Variants in LEMD3 observed in about 807,000 individuals in gnomAD.
LEMD3 encodes the protein inner nuclear membrane protein Man1.
A neutral mutation model predicts 95.2 loss-of-function variants in LEMD3; 33 were observed. The observed-to-expected ratio is 0.35, with a 90% confidence interval of 0.26 to 0.46. The LOEUF is 0.46. Among genes scored for constraint, LEMD3 ranks in the 20% least tolerant of loss-of-function variants. The pLI is 1.00. For missense variants in LEMD3, 1,210 were observed against 1,192.8 expected, an observed-to-expected ratio of 1.01 and a Z score of -0.21; for synonymous variants, 525 against 474.6, an observed-to-expected ratio of 1.11 and a Z score of -1.38.
At chr12:65,188,529 T>C (rs1176852833) in intron 1 of LEMD3, among the ~76,000 whole-genome samples, 2 of 152,186 alleles carry the variant, frequency 1.3e-5, no homozygotes, top group Admixed American at 6.5e-5. Flanking sequence ...TGATTGGGTA[T>C]GCTTAAGTTT....
At chr12:65,188,318 C>G (rs1378582134) in intron 1 of LEMD3, among the ~76,000 whole-genome samples, 1 of 152,028 alleles carries the variant, frequency 6.6e-6, no homozygotes, top group Non-Finnish European at 1.5e-5. Context: ...GAGAGATAGC[C>G]TAGTAAACTT....
intron 1 of LEMD3, among the ~76,000 whole-genome samples, chr12:65,204,162 CT>C (rs762331244): frequency 2.1e-4 from 31 of 146,310 alleles, no homozygotes; most frequent in East Asian, 4.0e-4. Flanking sequence ...AAGAAACTCA[CT>C]TTTTTTTTTC....
At chr12:65,204,379 G>T (rs1869699663) in intron 1 of LEMD3, among the ~76,000 whole-genome samples, 1 of 151,980 alleles carries the variant, frequency 6.6e-6, no homozygotes, top group Admixed American at 6.6e-5. Flanking sequence ...CCCTCCATGT[G>T]CCTGTGTGTT....
rs1368147972 is a variant in LEMD3 at position 65,247,267 on chromosome 12, T to G, written c.*942T>G. On this transcript the variant is annotated 3_prime_UTR_variant, in exon 13 of 13. Coordinates refer to ENST00000308330, the MANE Select transcript of LEMD3 (RefSeq NM_014319.5). ...AATTGGCAGATATTGGAAAAATATT[T>G]TGTGAAAAGCTGTATTTATTATAAA... 2 of 152,568 alleles carry G rather than the reference T, an allele frequency of 1.3e-5. No individual in the cohort carries two copies. Among genetic ancestry groups the G allele is most frequent in the Non-Finnish European group, 2.9e-5 (2 of 67,988 alleles). 9.5% of individuals were successfully genotyped at this position (152,568 alleles called of 1,614,324 possible). A position where few individuals can be genotyped will look rare whatever the true frequency, so the allele number is the denominator to read the frequency against.
rs374001281 is a variant in LEMD3 at position 65,209,145 on chromosome 12, A to G, written c.1523-1781A>G. Among the ~76,000 whole-genome samples the G allele has an allele frequency of 8.5e-5, 13 of 152,286 alleles. No individual in the cohort carries two copies. In the South Asian group the frequency reaches 1.7e-3, roughly 19 times the overall value. ...GTACTATGCTTGGTTCTGGGCATGCACATGTGTATAACACACGCTCCCTGT... is the reference window on the plus strand; with the variant it reads ...GTACTATGCTTGGTTCTGGGCATGCGCATGTGTATAACACACGCTCCCTGT... On this transcript the variant is annotated intron_variant, in intron 1 of 12. Transcript: ENST00000308330.
At chr12:65,232,439 G>A (rs1167243958) in intron 4 of LEMD3, among the ~76,000 whole-genome samples, 2 of 152,138 alleles carry the variant, frequency 1.3e-5, no homozygotes, top group Non-Finnish European at 2.9e-5. Context: ...AGCACAGTGA[G>A]TATAGTAAAT....
Position 65,221,557 on chromosome 12 carries a change from T to C in LEMD3, c.1695+2938T>C, listed in dbSNP as rs369113175. On this transcript the variant is annotated intron_variant, in intron 4 of 12. Transcript: ENST00000308330. ...TTTTTTTGGTGAAATCTTTAGGGCT[T>C]TCTATGTATAAGATTATGTCACTTG... is the stretch of plus-strand genomic sequence containing the variant. Among the ~76,000 whole-genome samples the C allele has an allele frequency of 8.5e-5, 13 of 152,052 alleles. No homozygotes were observed. In the East Asian group the frequency reaches 2.3e-3, roughly 27 times the overall value.
At position 65,239,913 on chromosome 12, in the gene LEMD3, T is replaced by C. The variant is rs765738463; in HGVS notation, c.1922-16T>C. The C allele has an allele frequency of 6.6e-7, 1 of 1,526,664 alleles. No homozygotes were observed. Among genetic ancestry groups the C allele is most frequent in the African/African-American group, 1.4e-5 (1 of 73,106 alleles). The allele number at this position is 1,526,664 out of a possible 1,614,324, so 94.6% of individuals were successfully genotyped here. On this transcript the variant is annotated splice_polypyrimidine_tract_variant and intron_variant, in intron 6 of 12. Coordinates refer to ENST00000308330, the MANE Select transcript of LEMD3 (RefSeq NM_014319.5). ...TGACCACAATTTTTAAAATACAAAG[T>C]ATATTAATATTACAGGTGTAGTGAT...
chr12:65,187,938 A>G (rs1869117623), intron 1 of LEMD3, among the ~76,000 whole-genome samples: 1 of 152,122 alleles, frequency 6.6e-6, no homozygotes, highest in African/African-American at 2.4e-5. Flanking sequence ...GTATGTAGGA[A>G]AATAAGTTTG....
intron 1 of LEMD3, among the ~76,000 whole-genome samples, chr12:65,174,007 C>T (rs1485222758): frequency 6.6e-6 from 1 of 152,048 alleles, no homozygotes; most frequent in Non-Finnish European, 1.5e-5. Flanking sequence ...GATGCTTTAA[C>T]TGTAGAGTTC....
intron 1 of LEMD3, among the ~76,000 whole-genome samples, chr12:65,203,820 G>A (rs956382022): frequency 6.6e-6 from 1 of 151,834 alleles, no homozygotes; most frequent in African/African-American, 2.4e-5. Flanking sequence ...TTGTTGTTAG[G>A]TACATAAACA....
At chr12:65,200,282 G>A (rs1869558993) in intron 1 of LEMD3, among the ~76,000 whole-genome samples, 1 of 152,048 alleles carries the variant, frequency 6.6e-6, no homozygotes, top group Non-Finnish European at 1.5e-5. Flanking sequence ...AACCTTTAGT[G>A]GGTATTTACA....
intron 4 of LEMD3, among the ~76,000 whole-genome samples, chr12:65,219,681 A>G (rs776221790): frequency 6.6e-6 from 1 of 152,064 alleles, no homozygotes; most frequent in Non-Finnish European, 1.5e-5. Context: ...TATGACTGAA[A>G]CTCTATAGCC....
chr12:65,233,404 C>T (rs1190601150), intron 4 of LEMD3, among the ~76,000 whole-genome samples: 2 of 152,182 alleles, frequency 1.3e-5, no homozygotes, highest in African/African-American at 4.8e-5. Flanking sequence ...TATAGCTAAT[C>T]TGTAATGGAG....
intron 1 of LEMD3, among the ~76,000 whole-genome samples, chr12:65,181,010 A>ACACACACACACACAC (rs1565780094): frequency 6.6e-6 from 1 of 151,980 alleles, no homozygotes; most frequent in African/African-American, 2.4e-5. Flanking sequence ...ACACACACAC[A>ACACACACACACACAC]ATTTTCTGAC....
chr12:65,232,645 G>T lies in LEMD3; in HGVS notation c.1696-5857G>T, dbSNP rs141584547. Among the ~76,000 whole-genome samples the T allele has an allele frequency of 8.5e-4, 129 of 152,050 alleles. 1 individual carries two copies. In the East Asian group the frequency reaches 0.018, roughly 21 times the overall value. ...TCTTCTTGAGCTTTTTAAAAAACTC[G>T]TTGTTTTTGATATTGAAAGCTTATT... On this transcript the variant is annotated intron_variant, in intron 4 of 12. Transcript: ENST00000308330.
chr12:65,226,151 C>A (rs1000421027), intron 4 of LEMD3, among the ~76,000 whole-genome samples: 6 of 152,122 alleles, frequency 3.9e-5, no homozygotes, highest in Admixed American at 2.6e-4. Flanking sequence ...TGGTGTCTTT[C>A]AACTATTAGA....
At position 65,243,454 on chromosome 12, in the gene LEMD3, T is replaced by C. The variant is rs1457371205; in HGVS notation, c.2372T>C (p.Met791Thr). 6.3e-7 allele frequency: 1 copy of C among 1,586,926 alleles called. No homozygotes were observed. The highest frequency in any genetic ancestry group is 1.1e-5 in the South Asian group (1 of 90,486). The change falls in exon 10 of 13, where the codon ATG becomes ACG. Residue 791 changes from methionine (M) to threonine (T), a missense_variant. Transcript: ENST00000308330. ...ACACCGTGTCTAAAGATTCGGAATA[T>C]GTTTGATCCCGTTATGTAAGTATTA... ...SLTPCLKIRN[M>T]FDPVMEIGDQ...
At chr12:65,217,458 A>G (rs1016192766) in intron 3 of LEMD3, among the ~76,000 whole-genome samples, 9 of 152,200 alleles carry the variant, frequency 5.9e-5, no homozygotes, top group Non-Finnish European at 2.9e-5. Context: ...TTTTATAGCT[A>G]CTGACATTAA....
Sources: allele counts gnomAD v4.1 joint callset (sites outside exome capture counted in the v4.1 genomes callset), GRCh38; gene constraint gnomAD v4.1.1; transcripts MANE v1.5; gene names NCBI Gene and HGNC (gene_info 2026-07-23, HGNC 2026-07-21).